Variants in MARCHF7 observed in about 807,000 individuals in gnomAD.
MARCHF7 encodes membrane associated ring-CH-type finger 7, also known as E3 ubiquitin-protein ligase MARCHF7.
In MARCHF7, 20 loss-of-function variants were observed where a neutral mutation model predicts 76.5. That is an observed-to-expected ratio of 0.26 (90% confidence interval 0.18 to 0.38). The LOEUF is 0.38. Ranked by LOEUF, MARCHF7 falls within the 10% of genes least tolerant of loss-of-function variation. The pLI is 1.00. For synonymous variants in MARCHF7, 295 were observed against 293.0 expected (o/e 1.01, Z -0.07); for missense variants, 797 against 812.9 (o/e 0.98, Z 0.24).
At chr2:159,747,764 A>C (rs753820487) in intron 6 of MARCHF7, 41 bp from the exon 7 acceptor site, 7 of 1,517,090 alleles carry the variant, frequency 4.6e-6, no homozygotes, top group Non-Finnish European at 6.2e-6. Flanking sequence ...AATAATGCTC[A>C]AATTATTTCA....
intron 6 of MARCHF7, among the ~76,000 whole-genome samples, chr2:159,746,654 G>A (rs1395569488): frequency 2.0e-5 from 3 of 152,172 alleles, no homozygotes; most frequent in Non-Finnish European, 4.4e-5. Flanking sequence ...AACCGCCTCA[G>A]CCTCCCAAAG....
At chr2:159,737,728 C>T (rs920364871) in intron 4 of MARCHF7, among the ~76,000 whole-genome samples, 3 of 152,174 alleles carry the variant, frequency 2.0e-5, no homozygotes, top group African/African-American at 7.2e-5. Flanking sequence ...GTCAAGGCCA[C>T]AGTCACCTGT....
chr2:159,727,292 T>A (rs1702279290), intron 3 of MARCHF7, among the ~76,000 whole-genome samples: 1 of 152,232 alleles, frequency 6.6e-6, no homozygotes, highest in Non-Finnish European at 1.5e-5. Context: ...CAGAATATTT[T>A]AAAAGCTTTT....
At position 159,762,928 on chromosome 2, in the gene MARCHF7, C is replaced by A; in HGVS notation, c.1942C>A (p.His648Asn). The part of the protein sequence containing the change: ...SSGLYLVVLL[H>N]LCEQSFSDMM... ...TGGTCTCTACCTAGTGGTGTTATTGCACTTGTGCGAACAAAGCTTTTCTGA... is the reference window on the plus strand; with the variant it reads ...TGGTCTCTACCTAGTGGTGTTATTGAACTTGTGCGAACAAAGCTTTTCTGA... Residue 648 changes from histidine (H) to asparagine (N), a missense_variant, in exon 10 of 12, where the codon CAC becomes AAC. His to Asn is a moderately conservative substitution (Grantham distance 68). Around this residue, in one of 3 missense-constraint regions of MARCHF7, gnomAD observed 124 missense variants for 121.3 expected, o/e 1.02. Transcript: ENST00000409175. 6.2e-7 allele frequency: 1 copy of A among 1,613,036 alleles called. No individual in the cohort carries two copies. Among genetic ancestry groups the A allele is most frequent in the Non-Finnish European group, 8.5e-7 (1 of 1,179,616 alleles).
chr2:159,740,002 T>G (rs1267640599), intron 4 of MARCHF7, among the ~76,000 whole-genome samples: 1 of 152,234 alleles, frequency 6.6e-6, no homozygotes, highest in African/African-American at 2.4e-5. Flanking sequence ...TCAGTATTTT[T>G]AATGAATGGC....
chr2:159,737,255 T>C (rs1703569237), intron 4 of MARCHF7, among the ~76,000 whole-genome samples: 1 of 152,178 alleles, frequency 6.6e-6, no homozygotes, highest in Non-Finnish European at 1.5e-5. Context: ...AGAGAAAATA[T>C]TTGCAAAGTA....
At chr2:159,716,827 A>C (rs1701092429) in intron 3 of MARCHF7, among the ~76,000 whole-genome samples, 1 of 152,218 alleles carries the variant, frequency 6.6e-6, no homozygotes, top group East Asian at 1.9e-4. Flanking sequence ...TGCAGGCATA[A>C]GATAATGGTA....
At chr2:159,744,148 C>T (rs887433769) in intron 5 of MARCHF7, among the ~76,000 whole-genome samples, 10 of 151,150 alleles carry the variant, frequency 6.6e-5, no homozygotes, top group Non-Finnish European at 1.0e-4. Flanking sequence ...CCACTACGCC[C>T]GGCTAATTTT....
At chr2:159,744,249 A>G (rs1257250469) in intron 5 of MARCHF7, among the ~76,000 whole-genome samples, 1 of 151,878 alleles carries the variant, frequency 6.6e-6, no homozygotes, top group Non-Finnish European at 1.5e-5. Context: ...CGGCCTCCCA[A>G]AGCGCTGGGA....
chr2:159,738,032 C>T (rs937090919), intron 4 of MARCHF7, among the ~76,000 whole-genome samples: 2 of 152,206 alleles, frequency 1.3e-5, no homozygotes, highest in African/African-American at 4.8e-5. Context: ...TCGGATCCCA[C>T]GCCTGCCAAG....
At chr2:159,765,625 C>G (rs1384915870) in intron 11 of MARCHF7, among the ~76,000 whole-genome samples, 1 of 152,102 alleles carries the variant, frequency 6.6e-6, no homozygotes, top group African/African-American at 2.4e-5. Context: ...AACATTTTTA[C>G]TTTTAGAGAA....
intron 3 of MARCHF7, among the ~76,000 whole-genome samples, chr2:159,720,119 G>A (rs1204201917): frequency 1.3e-5 from 2 of 152,080 alleles, no homozygotes; most frequent in Non-Finnish European, 2.9e-5. Flanking sequence ...TCCGCCTCCT[G>A]GATTCAAGCG....
At chr2:159,758,547 CTG>C (rs1332295825) in intron 8 of MARCHF7, among the ~76,000 whole-genome samples, 2 of 152,188 alleles carry the variant, frequency 1.3e-5, no homozygotes, top group East Asian at 1.9e-4. Context: ...CTTTCTGTCT[CTG>C]TGAATTTGCA....
rs926659585 is a variant in MARCHF7 at position 159,744,230 on chromosome 2, C to T, written c.346+977C>T. Among the ~76,000 whole-genome samples, 14 of 151,834 alleles carry T rather than the reference C, an allele frequency of 9.2e-5. No homozygotes were observed. In the South Asian group the frequency reaches 1.0e-3, roughly 11 times the overall value. On this transcript the variant is annotated intron_variant, in intron 5 of 11. Transcript: ENST00000409175. The stretch of plus-strand genomic sequence containing the variant: ...GTCTCGATCTCCTGACCTCGTGATC[C>T]GCCCACCTCGGCCTCCCAAAGCGCT...
chr2:159,746,342 T>C (rs564892021), intron 6 of MARCHF7, among the ~76,000 whole-genome samples: 5 of 152,360 alleles, frequency 3.3e-5, no homozygotes, highest in African/African-American at 9.6e-5. Flanking sequence ...GCAATTACTT[T>C]AGTATAACAT....
intron 3 of MARCHF7, among the ~76,000 whole-genome samples, chr2:159,726,348 C>T (rs1360246577): frequency 2.6e-5 from 4 of 152,076 alleles, no homozygotes; most frequent in South Asian, 2.1e-4. Context: ...CTGCAAGCTC[C>T]GCCTCCCGGG....
chr2:159,758,567 G>C (rs1706616267), intron 8 of MARCHF7, among the ~76,000 whole-genome samples: 1 of 152,138 alleles, frequency 6.6e-6, no homozygotes, highest in Non-Finnish European at 1.5e-5. Flanking sequence ...GCATATTCCA[G>C]ATATTTTATG....
At chr2:159,726,675 C>G (rs1702209571) in intron 3 of MARCHF7, among the ~76,000 whole-genome samples, 1 of 152,150 alleles carries the variant, frequency 6.6e-6, no homozygotes, top group Non-Finnish European at 1.5e-5. Flanking sequence ...ACCATCTTAA[C>G]CATGTTTGTG....
At chr2:159,735,658 C>T (rs1031044300) in intron 4 of MARCHF7, among the ~76,000 whole-genome samples, 1 of 152,130 alleles carries the variant, frequency 6.6e-6, no homozygotes, top group African/African-American at 2.4e-5. Context: ...TATGTCAGTA[C>T]TTTATTCTTT....
Sources: gnomAD v4.1 joint callset for allele counts (sites outside exome capture counted in the v4.1 genomes callset) on GRCh38, gnomAD v4.1.1 for gene constraint, gnomAD v4.1.1 regional missense constraint, MANE v1.5 for transcripts, NCBI Gene and HGNC (gene_info 2026-07-23, HGNC 2026-07-21) for gene names.